The following PCDHAC1 variants were observed in gnomAD, a reference collection of about 807,000 sequenced individuals.
PCDHAC1 encodes protocadherin alpha-C1.
In PCDHAC1, 42 loss-of-function variants were observed where a neutral mutation model predicts 60.0. The observed-to-expected ratio is 0.70, with a 90% CI of 0.55 to 0.90. The LOEUF (loss-of-function observed/expected upper bound fraction) is 0.90. PCDHAC1 is among the 40% of genes least tolerant of loss of function. The pLI is 0.00. For synonymous variants in PCDHAC1, 468 were observed against 499.3 expected (o/e 0.94, Z 0.84); for missense variants, 1,160 against 1,222.3 (o/e 0.95, Z 0.76).
In PCDHAC1 at chr5:140,926,928, G is replaced by T; in HGVS notation, c.36G>T (p.Trp12Cys). Residue 12 changes from tryptophan (W) to cysteine (C), a missense_variant, in exon 1 of 4, where the codon TGG becomes TGT. Around this residue, in one of 3 missense-constraint regions of PCDHAC1, gnomAD observed 43 missense variants for 40.4 expected, o/e 1.06. Coordinates refer to ENST00000253807, the MANE Select transcript of PCDHAC1 (RefSeq NM_018898.5). The stretch of plus-strand genomic sequence containing the variant: ...GTGGGGTGGCAGTTTTATGTTTGTG[G>T]GTTTCCTGCGGCGCTGCAGCGGGAC... ...VGCGVAVLCL[W>C]VSCGAAAGQL... 1 of 1,574,878 alleles carries T rather than the reference G, an allele frequency of 6.3e-7. No homozygotes were observed. Among genetic ancestry groups the T allele is most frequent in the Non-Finnish European group, 8.6e-7 (1 of 1,158,308 alleles).
chr5:140,982,882 C>A (rs1554244920), intron 3 of PCDHAC1, among the ~76,000 whole-genome samples: 1 of 151,972 alleles, frequency 6.6e-6, no homozygotes, highest in African/African-American at 2.4e-5. Flanking sequence ...CCAAGCCATG[C>A]AGAGAAGATC....
At chr5:140,948,620 TTAA>T (rs1422284059) in intron 1 of PCDHAC1, among the ~76,000 whole-genome samples, 3 of 151,714 alleles carry the variant, frequency 2.0e-5, no homozygotes, top group Non-Finnish European at 4.4e-5. Context: ...CACAAAGTTG[TTAA>T]TAATATTCTC....
intron 3 of PCDHAC1, among the ~76,000 whole-genome samples, chr5:141,002,289 G>A (rs1468757497): frequency 1.3e-5 from 2 of 152,204 alleles, no homozygotes; most frequent in East Asian, 3.8e-4. Flanking sequence ...GGATGAATGG[G>A]GAGCAAAGGG....
chr5:140,968,257 T>C (rs781932747), intron 1 of PCDHAC1: 2 of 1,613,946 alleles, frequency 1.2e-6, no homozygotes, highest in East Asian at 2.2e-5. Context: ...CAGACCCAGA[T>C]GAAAAGGAGA....
chr5:141,012,057 A>G lies in PCDHAC1; in HGVS notation c.*2120A>G, dbSNP rs2098422809. 6.5e-6 allele frequency: 1 copy of G among 153,774 alleles called. No individual in the cohort carries two copies. Among genetic ancestry groups the G allele is most frequent in the African/African-American group, 2.4e-5 (1 of 41,454 alleles). The allele number at this position is 153,774 out of a possible 1,614,324, so 9.5% of individuals were successfully genotyped here. A position where few individuals can be genotyped will look rare whatever the true frequency, so the allele number is the denominator to read the frequency against. Reference sequence around the variant, plus strand: ...ATTGCATGGGGTAAAACTTGTTACCAACACATGTGAACCATTGCTACATTG... The same window carrying G: ...ATTGCATGGGGTAAAACTTGTTACCGACACATGTGAACCATTGCTACATTG... On this transcript the variant is annotated 3_prime_UTR_variant, in exon 4 of 4. Transcript: ENST00000253807.
At chr5:140,956,788 G>T (rs2095310590) in intron 1 of PCDHAC1, among the ~76,000 whole-genome samples, 1 of 152,094 alleles carries the variant, frequency 6.6e-6, no homozygotes, top group African/African-American at 2.4e-5. Flanking sequence ...GGCTTTGTTT[G>T]CTTGGTGGGC....
chr5:140,948,986 T>C (rs2094331337), intron 1 of PCDHAC1, among the ~76,000 whole-genome samples: 1 of 151,752 alleles, frequency 6.6e-6, no homozygotes, highest in Non-Finnish European at 1.5e-5. Context: ...ACTGCTTTAT[T>C]TGCATTTTAC....
At chr5:140,986,081 A>AT (rs2097186605) in intron 3 of PCDHAC1, among the ~76,000 whole-genome samples, 1 of 152,010 alleles carries the variant, frequency 6.6e-6, no homozygotes, top group South Asian at 2.1e-4. Context: ...CTGTTCATTT[A>AT]TTTTCACAGT....
Position 140,926,589 on chromosome 5 carries a change from G to A in PCDHAC1, c.-304G>A. ...ACTGGAGACAGCACCTCTCGCGCCC[G>A]GGCGGGCGGCCTCGTCTCTGCACCC... On this transcript the variant is annotated 5_prime_UTR_variant, in exon 1 of 4. Transcript: ENST00000253807. 1 of 292,780 alleles carries A rather than the reference G, an allele frequency of 3.4e-6. No individual in the cohort carries two copies. The highest frequency in any genetic ancestry group is 6.2e-6 in the Non-Finnish European group (1 of 160,148). 18.1% of individuals were successfully genotyped at this position (292,780 alleles called of 1,614,324 possible). A position where few individuals can be genotyped will look rare whatever the true frequency, so the allele number is the denominator to read the frequency against.
At chr5:140,971,743 A>G (rs979953004) in intron 1 of PCDHAC1, among the ~76,000 whole-genome samples, 1 of 151,474 alleles carries the variant, frequency 6.6e-6, no homozygotes, top group African/African-American at 2.4e-5. Flanking sequence ...ACACATACAT[A>G]TATCTCATAT....
chr5:140,946,384 G>A (rs2093939169), intron 1 of PCDHAC1, among the ~76,000 whole-genome samples: 1 of 151,758 alleles, frequency 6.6e-6, no homozygotes, highest in Non-Finnish European at 1.5e-5. Context: ...CGGTTGGTAG[G>A]AATGTAAATT....
chr5:140,928,081 C>G lies in PCDHAC1; in HGVS notation c.1189C>G (p.Leu397Val), dbSNP rs782268064. Residue 397 changes from leucine (L) to valine (V), a missense_variant, in exon 1 of 4, where the codon CTG (leucine) becomes GTG (valine). Leu to Val is a conservative substitution (Grantham distance 32). Coordinates refer to ENST00000253807, the MANE Select transcript of PCDHAC1 (RefSeq NM_018898.5). ...GGCTTCCTTTGACAACTACTACAGC[C>G]TGCTGATTGATGGGCCCCTGGACCG... is the stretch of plus-strand genomic sequence containing the variant. ...LTASFDNYYS[L>V]LIDGPLDREQ... is the part of the protein sequence containing the mutation. 6.2e-6 allele frequency: 10 copies of G among 1,614,090 alleles called. 1 individual carries two copies. In the South Asian group the frequency reaches 6.6e-5, roughly 11 times the overall value.
At chr5:140,975,562 A>T (rs1445534188) in intron 1 of PCDHAC1, among the ~76,000 whole-genome samples, 2 of 152,206 alleles carry the variant, frequency 1.3e-5, no homozygotes, top group African/African-American at 4.8e-5. Flanking sequence ...GGAAAAGGAG[A>T]TATTATATGC....
intron 1 of PCDHAC1, among the ~76,000 whole-genome samples, chr5:140,950,449 T>G (rs1377637881): frequency 4.6e-5 from 7 of 152,088 alleles, no homozygotes; most frequent in African/African-American, 1.7e-4. Flanking sequence ...GTTATTCTAC[T>G]GTCTTCTAAT....
intron 3 of PCDHAC1, among the ~76,000 whole-genome samples, chr5:140,992,691 G>A (rs373170347): frequency 9.3e-4 from 142 of 152,244 alleles, no homozygotes; most frequent in Middle Eastern, 3.4e-3. Context: ...GGGTTGAGGG[G>A]TGGGTAATGT....
chr5:140,960,628 T>C (rs1474502656), intron 1 of PCDHAC1, among the ~76,000 whole-genome samples: 1 of 152,192 alleles, frequency 6.6e-6, no homozygotes, highest in Non-Finnish European at 1.5e-5. Context: ...TTTTGAAATA[T>C]ATTTTTAAAA....
intron 1 of PCDHAC1, among the ~76,000 whole-genome samples, chr5:140,974,533 C>T (rs540810616): frequency 1.5e-4 from 23 of 152,160 alleles, no homozygotes; most frequent in Middle Eastern, 6.8e-3. Flanking sequence ...TTTTTTGAGA[C>T]GGAGTTTTGC....
At chr5:140,930,416 T>C (rs1554207810) in intron 1 of PCDHAC1, 1 of 151,928 alleles carries the variant, frequency 6.6e-6, no homozygotes, top group East Asian at 1.9e-4. Flanking sequence ...GAGACAGGGG[T>C]CTCACTATGT....
chr5:140,942,713 T>C (rs2093359728), intron 1 of PCDHAC1, among the ~76,000 whole-genome samples: 2 of 152,208 alleles, frequency 1.3e-5, no homozygotes, highest in Non-Finnish European at 1.5e-5. Flanking sequence ...AGTAAAAGTA[T>C]GAAATTTTGT....
Sources: allele counts gnomAD v4.1 joint callset (sites outside exome capture counted in the v4.1 genomes callset), GRCh38; gene constraint gnomAD v4.1.1; regional missense constraint gnomAD v4.1.1; transcripts MANE v1.5; gene names NCBI Gene and HGNC (gene_info 2026-07-23, HGNC 2026-07-21).